MARVELD2: variants seen among roughly 807,000 people sequenced by gnomAD.
MARVELD2 encodes the protein MARVEL domain containing 2.
MARVELD2 carries 49 observed loss-of-function variants against 57.6 expected under a neutral mutation model. The observed-to-expected ratio is 0.85, with a 90% confidence interval of 0.68 to 1.08. The LOEUF is 1.08. MARVELD2 is among the 50% of genes least tolerant of loss of function. MARVELD2 has a pLI of 0.00. For missense variants in MARVELD2, 606 were observed against 701.1 expected (o/e 0.86, Z 1.53); for synonymous variants, 238 against 258.8 (o/e 0.92, Z 0.77).
rs1221836045 is a variant in MARVELD2 at position 69,419,837 on chromosome 5, A to T, written c.452A>T (p.Asp151Val). 6.2e-7 allele frequency: 1 copy of T among 1,614,088 alleles called. No homozygotes were observed. Among genetic ancestry groups the T allele is most frequent in the African/African-American group, 1.3e-5 (1 of 74,930 alleles). Residue 151 changes from aspartate (D) to valine (V), a missense_variant, in exon 2 of 7, where the codon GAC becomes GTC. Physicochemically the swap from Asp to Val is radical, Grantham distance 152. Coordinates refer to ENST00000325631, the MANE Select transcript of MARVELD2 (RefSeq NM_001038603.3). ...EGTFSSRKEA[D>V]AVFPRDPYGS... ...ACCTTTAGTTCCCGGAAAGAGGCTG[A>T]CGCAGTGTTTCCCCGGGATCCCTAT...
chr5:69,432,522 T>C lies in MARVELD2; in HGVS notation c.1183-5T>C, dbSNP rs375009626. 6.2e-7 allele frequency: 1 copy of C among 1,613,900 alleles called. No homozygotes were observed. Among genetic ancestry groups the C allele is most frequent in the African/African-American group, 1.3e-5 (1 of 74,936 alleles). On this transcript the variant is annotated splice_polypyrimidine_tract_variant and splice_region_variant and intron_variant, in intron 3 of 6. Coordinates refer to ENST00000325631, the MANE Select transcript of MARVELD2 (RefSeq NM_001038603.3). ...AACAAATCCTCTTTTTCTCCCTAAC[T>C]GCAGTGTGAAATGGCCACCAGTGGT...
chr5:69,434,025 C>T (rs888190268), intron 5 of MARVELD2, among the ~76,000 whole-genome samples: 20 of 151,890 alleles, frequency 1.3e-4, no homozygotes, highest in African/African-American at 4.3e-4. Flanking sequence ...AGACAGATAG[C>T]ACATTCAAAC....
At chr5:69,421,031 G>A (rs1038559844) in intron 2 of MARVELD2, among the ~76,000 whole-genome samples, 18 of 152,022 alleles carry the variant, frequency 1.2e-4, no homozygotes, top group African/African-American at 4.3e-4. Flanking sequence ...TTTAAGTATT[G>A]AGAGATTGAA....
intron 3 of MARVELD2, among the ~76,000 whole-genome samples, chr5:69,426,527 G>T (rs299101): frequency 6.6e-6 from 1 of 151,156 alleles, no homozygotes; most frequent in East Asian, 2.0e-4. Context: ...TAGAGACAGG[G>T]TTTCACCATG....
intron 3 of MARVELD2, among the ~76,000 whole-genome samples, chr5:69,425,520 CT>C (rs905659645): frequency 2.0e-5 from 3 of 150,874 alleles, no homozygotes; most frequent in Non-Finnish European, 4.4e-5. Flanking sequence ...TCTATAGCTG[CT>C]TTTAATTTTG....
At chr5:69,423,922 C>A (rs138622060) in intron 2 of MARVELD2, among the ~76,000 whole-genome samples, 4 of 152,142 alleles carry the variant, frequency 2.6e-5, no homozygotes, top group African/African-American at 9.6e-5. Context: ...CTTAAAGTTA[C>A]AATTTATTTC....
chr5:69,419,933 A>G lies in MARVELD2; in HGVS notation c.548A>G (p.Tyr183Cys), dbSNP rs199828646. The change falls in exon 2 of 7, where the codon TAC (tyrosine) becomes TGC (cysteine). Residue 183 changes from tyrosine to cysteine, a missense_variant. By Grantham distance (194) the Tyr-to-Cys change is radical. Transcript: ENST00000325631. ...SEKVEEYNLR[Y>C]SYMKSWAGLL... ...AAGGTGGAGGAGTATAACCTGAGAT[A>G]CTCCTACATGAAGTCGTGGGCAGGC... is the stretch of plus-strand genomic sequence containing the variant. The G allele has an allele frequency of 1.9e-6, 3 of 1,614,056 alleles. No homozygotes were observed. Among genetic ancestry groups the G allele is most frequent in the East Asian group, 2.2e-5 (1 of 44,868 alleles).
chr5:69,432,104 G>C (rs1296934003), intron 3 of MARVELD2, among the ~76,000 whole-genome samples: 1 of 151,750 alleles, frequency 6.6e-6, no homozygotes, highest in African/African-American at 2.4e-5. Context: ...TCCACCTCCT[G>C]GGCCCAAGTG....
At chr5:69,423,459 A>G (rs1561293767) in intron 2 of MARVELD2, among the ~76,000 whole-genome samples, 1 of 151,818 alleles carries the variant, frequency 6.6e-6, no homozygotes, top group African/African-American at 2.4e-5. Flanking sequence ...GGGTATCACT[A>G]TGTTACCCAG....
rs1181081839 is a variant in MARVELD2 at position 69,420,120 on chromosome 5, C to T, written c.735C>T (p.Gly245=). The change falls in exon 2 of 7, where the codon GGC becomes GGT. Residue 245 remains glycine, a synonymous_variant. Coordinates refer to ENST00000325631, the MANE Select transcript of MARVELD2 (RefSeq NM_001038603.3). ...GVGGLGSMYG[G]YYYTGPKTPF... ...GTGGATTGGGCAGTATGTATGGGGG[C>T]TATTACTACACTGGCCCTAAGACCC... The T allele has an allele frequency of 1.9e-6, 3 of 1,614,090 alleles. No individual in the cohort carries two copies. The highest frequency in any genetic ancestry group is 3.3e-5 in the Admixed American group (2 of 59,994).
intron 3 of MARVELD2, among the ~76,000 whole-genome samples, chr5:69,425,138 G>A (rs186193512): frequency 1.5e-4 from 22 of 149,750 alleles, no homozygotes; most frequent in African/African-American, 5.4e-4. Flanking sequence ...GTAAACTATC[G>A]CAAGAACAAA....
chr5:69,415,159 G>A lies in MARVELD2; in HGVS notation c.-27G>A, dbSNP rs538564490. ...CTGGGCAGCGTGCGCGCTCTTCCTGGCGGCTGCGCAGGTAAGTGGGACCGG... is the reference window on the plus strand; with the variant it reads ...CTGGGCAGCGTGCGCGCTCTTCCTGACGGCTGCGCAGGTAAGTGGGACCGG... On this transcript the variant is annotated 5_prime_UTR_variant, in exon 1 of 7. Coordinates refer to ENST00000325631, the MANE Select transcript of MARVELD2 (RefSeq NM_001038603.3). The A allele has an allele frequency of 6.6e-6, 1 of 152,454 alleles. No individual in the cohort carries two copies. The highest frequency in any genetic ancestry group is 2.1e-4 in the South Asian group (1 of 4,832). 9.4% of individuals were successfully genotyped at this position (152,454 alleles called of 1,614,324 possible).
At position 69,442,224 on chromosome 5, in the gene MARVELD2, T is replaced by A. The variant is rs1428271689; in HGVS notation, c.*570T>A. 1 of 152,246 alleles carries A rather than the reference T, an allele frequency of 6.6e-6. No individual in the cohort carries two copies. The highest frequency in any genetic ancestry group is 2.4e-5 in the African/African-American group (1 of 41,462). 9.4% of individuals were successfully genotyped at this position (152,246 alleles called of 1,614,324 possible). ...GCAAGTGGACCATCAATTCTGGTGC[T>A]ACTTTTTCCTTTTTTACTCAGGCAG... On this transcript the variant is annotated 3_prime_UTR_variant, in exon 7 of 7. Transcript: ENST00000325631.
intron 3 of MARVELD2, among the ~76,000 whole-genome samples, chr5:69,431,507 C>T (rs895718781): frequency 3.9e-5 from 6 of 152,140 alleles, no homozygotes; most frequent in African/African-American, 1.4e-4. Context: ...TTTAAGTAGG[C>T]TTGTTCCATT....
intron 5 of MARVELD2, among the ~76,000 whole-genome samples, chr5:69,434,018 C>T (rs1316976585): frequency 2.0e-5 from 3 of 151,512 alleles, no homozygotes; most frequent in Non-Finnish European, 4.4e-5. Context: ...CCAAAGGAGA[C>T]AGATAGCACA....
chr5:69,424,767 G>A, intron 3 of MARVELD2, 131 bp downstream of exon 3: 1 of 737,570 alleles, frequency 1.4e-6, no homozygotes, highest in Non-Finnish European at 2.3e-6. Context: ...GCTCACACCT[G>A]TAATCCCAGC....
At chr5:69,423,967 G>A (rs1766706643) in intron 2 of MARVELD2, among the ~76,000 whole-genome samples, 1 of 152,066 alleles carries the variant, frequency 6.6e-6, no homozygotes, top group South Asian at 2.1e-4. Flanking sequence ...AGTAAAAAAT[G>A]TTAATTCTAA....
chr5:69,419,199 T>C, intron 1 of MARVELD2, 172 bp from the exon 2 acceptor site: 1 of 722,510 alleles, frequency 1.4e-6, no homozygotes, highest in South Asian at 1.7e-5. Context: ...GTGCTGGGAT[T>C]ACAGGCATGA....
chr5:69,417,707 G>T (rs977301414), intron 1 of MARVELD2, among the ~76,000 whole-genome samples: 1 of 152,124 alleles, frequency 6.6e-6, no homozygotes, highest in South Asian at 2.1e-4. Flanking sequence ...ACTTTGGGAG[G>T]CCGAGGCGGG....
Sources: gnomAD v4.1 joint callset for allele counts (sites outside exome capture counted in the v4.1 genomes callset) on GRCh38, gnomAD v4.1.1 for gene constraint, MANE v1.5 for transcripts, NCBI Gene and HGNC (gene_info 2026-07-23, HGNC 2026-07-21) for gene names.